Variants in RBFOX1 observed in about 807,000 individuals in gnomAD.
The protein encoded by RBFOX1 is RNA binding fox-1 homolog 1.
In RBFOX1, 8 loss-of-function variants were observed where a neutral mutation model predicts 57.7. The observed-to-expected ratio is 0.14, with a 90% CI of 0.08 to 0.25. RBFOX1 has a LOEUF of 0.25. RBFOX1 is among the 10% of genes least tolerant of loss of function. The probability of loss-of-function intolerance (pLI) is 1.00; values close to 1 mark genes in which losing one functional copy is unlikely to be tolerated. For synonymous variants in RBFOX1, 326 were observed against 222.4 expected (o/e 1.47, Z -4.15); for missense variants, 611 against 548.5 (o/e 1.11, Z -1.14).
intron 1 of RBFOX1, among the ~76,000 whole-genome samples, chr16:6,125,118 C>T (rs951388184): frequency 6.6e-6 from 1 of 152,202 alleles, no homozygotes; most frequent in African/African-American, 2.4e-5. Context: ...CTTGCTCACA[C>T]AAGCCTCTGG....
intron 4 of RBFOX1, among the ~76,000 whole-genome samples, chr16:6,000,278 A>C (rs1351906790): frequency 6.6e-6 from 1 of 152,152 alleles, no homozygotes; most frequent in Admixed American, 6.5e-5. Context: ...AGACTTCCTG[A>C]GTCTGGTTGG....
intron 3 of RBFOX1, among the ~76,000 whole-genome samples, chr16:6,985,035 C>G (rs147146866): frequency 4.8e-5 from 7 of 145,086 alleles, no homozygotes; most frequent in Middle Eastern, 3.6e-3. Flanking sequence ...GCTTTGCTGG[C>G]CAGATCCCAA....
intron 1 of RBFOX1, among the ~76,000 whole-genome samples, chr16:5,357,434 C>A (rs925657669): frequency 6.6e-6 from 1 of 152,210 alleles, no homozygotes; most frequent in African/African-American, 2.4e-5. Flanking sequence ...GAGAACAGAA[C>A]AACGCAGTCT....
At chr16:7,572,877 C>T (rs902450968) in intron 5 of RBFOX1, among the ~76,000 whole-genome samples, 1 of 87,738 alleles carries the variant, frequency 1.1e-5, no homozygotes, top group African/African-American at 3.6e-5. Context: ...TGAACCAGCC[C>T]CAAATGTCAA....
chr16:6,652,390 G>A (rs1208783168), intron 2 of RBFOX1, among the ~76,000 whole-genome samples: 1 of 152,074 alleles, frequency 6.6e-6, no homozygotes, highest in African/African-American at 2.4e-5. Context: ...GGAGGTTGCA[G>A]TGAGCCAAGA....
intron 2 of RBFOX1, among the ~76,000 whole-genome samples, chr16:6,377,416 G>A (rs1287837915): frequency 1.3e-5 from 2 of 152,116 alleles, no homozygotes; most frequent in Non-Finnish European, 2.9e-5. Context: ...ATTCTGGGGG[G>A]CCATGGATTT....
intron 3 of RBFOX1, among the ~76,000 whole-genome samples, chr16:5,613,766 G>T (rs2047913013): frequency 6.6e-6 from 1 of 151,862 alleles, no homozygotes; most frequent in Non-Finnish European, 1.5e-5. Context: ...TCAAGGTTCT[G>T]TCATCCTTGT....
chr16:7,388,481 A>G lies in RBFOX1; in HGVS notation c.28-129666A>G, dbSNP rs536781557. Among the ~76,000 whole-genome samples, 50 of 152,080 alleles carry G rather than the reference A, an allele frequency of 3.3e-4. No homozygotes were observed. In the South Asian group the frequency reaches 9.1e-3, roughly 28 times the overall value. ...GATTTAAATTCTACTCCTCCTTTTT[A>G]TCATCTCTCTGCCCGGGATAACTTG... On this transcript the variant is annotated intron_variant, in intron 4 of 15. Transcript: ENST00000550418.
chr16:5,661,397 G>A (rs1278441471), intron 3 of RBFOX1, among the ~76,000 whole-genome samples: 1 of 152,144 alleles, frequency 6.6e-6, no homozygotes, highest in African/African-American at 2.4e-5. Flanking sequence ...ACAGTAAGTT[G>A]TATGTATCCA....
chr16:5,971,609 A>T (rs1275906807), intron 4 of RBFOX1, among the ~76,000 whole-genome samples: 1 of 152,202 alleles, frequency 6.6e-6, no homozygotes, highest in Non-Finnish European at 1.5e-5. Flanking sequence ...AACTAATTTA[A>T]TCAACGGTTT....
At chr16:6,112,462 G>A (rs1319625165) in intron 1 of RBFOX1, among the ~76,000 whole-genome samples, 1 of 152,154 alleles carries the variant, frequency 6.6e-6, no homozygotes, top group Non-Finnish European at 1.5e-5. Flanking sequence ...AGGCCAAGAT[G>A]GGCGGATCAC....
intron 13 of RBFOX1, among the ~76,000 whole-genome samples, chr16:7,672,959 A>C (rs2072043724): frequency 6.6e-6 from 1 of 151,466 alleles, no homozygotes; most frequent in Non-Finnish European, 1.5e-5. Context: ...TATAGTAAAT[A>C]AGATTTAAGT....
At chr16:5,512,191 G>C (rs556208883) in intron 2 of RBFOX1, among the ~76,000 whole-genome samples, 3 of 152,324 alleles carry the variant, frequency 2.0e-5, no homozygotes, top group African/African-American at 4.8e-5. Flanking sequence ...GTTTGCACGA[G>C]GGTGAGCACA....
intron 4 of RBFOX1, among the ~76,000 whole-genome samples, chr16:7,379,804 G>C (rs2097756794): frequency 6.6e-6 from 1 of 150,986 alleles, no homozygotes; most frequent in Non-Finnish European, 1.5e-5. Flanking sequence ...CTCCCTGCCT[G>C]CCTGCCTCCC....
intron 1 of RBFOX1, among the ~76,000 whole-genome samples, chr16:6,069,202 C>T (rs189813953): frequency 6.6e-6 from 1 of 152,048 alleles, no homozygotes. Flanking sequence ...AGTTGGAGAC[C>T]AGCCTGACCA....
intron 1 of RBFOX1, among the ~76,000 whole-genome samples, chr16:5,367,412 T>G (rs950087463): frequency 7.9e-5 from 12 of 152,218 alleles, no homozygotes; most frequent in Admixed American, 3.9e-4. Context: ...CCCACTGATG[T>G]GGGAGGGAAC....
intron 4 of RBFOX1, among the ~76,000 whole-genome samples, chr16:6,009,250 C>T (rs115632222): frequency 1.3e-4 from 20 of 152,250 alleles, no homozygotes; most frequent in African/African-American, 4.8e-4. Flanking sequence ...CACGATGGTA[C>T]CTCATTCCAT....
chr16:7,467,716 A>C (rs186472219), intron 4 of RBFOX1, among the ~76,000 whole-genome samples: 1 of 152,230 alleles, frequency 6.6e-6, no homozygotes, highest in Admixed American at 6.5e-5. Context: ...GGATCTGTCT[A>C]CTGGGACACC....
intron 1 of RBFOX1, among the ~76,000 whole-genome samples, chr16:5,336,858 C>G (rs1014332563): frequency 6.6e-6 from 1 of 152,168 alleles, no homozygotes; most frequent in Non-Finnish European, 1.5e-5. Flanking sequence ...CTTGTTTATC[C>G]TTTCAGATGC....
Sources: allele counts gnomAD v4.1 joint callset (sites outside exome capture counted in the v4.1 genomes callset), GRCh38; gene constraint gnomAD v4.1.1; transcripts MANE v1.5; gene names NCBI Gene and HGNC (gene_info 2026-07-23, HGNC 2026-07-21).